The following RALGPS1 variants were observed in gnomAD, a reference collection of about 807,000 sequenced individuals.
The protein encoded by RALGPS1 is Ral GEF with PH domain and SH3 binding motif 1.
Under a neutral mutation model 78.8 loss-of-function variants are expected in RALGPS1, and 19 were observed. The observed-to-expected ratio is 0.24, with a 90% CI of 0.17 to 0.35. The LOEUF (loss-of-function observed/expected upper bound fraction) is 0.35. Ranked by LOEUF, RALGPS1 falls within the 10% of genes least tolerant of loss-of-function variation. The probability of loss-of-function intolerance (pLI) is 1.00; values close to 1 mark genes in which losing one functional copy is unlikely to be tolerated. For missense variants in RALGPS1, 454 were observed against 688.3 expected, an observed-to-expected ratio of 0.66 and a Z score of 3.81; for synonymous variants, 228 against 256.3, an observed-to-expected ratio of 0.89 and a Z score of 1.06.
At chr9:127,054,534 G>A (rs557538815) in intron 7 of RALGPS1, among the ~76,000 whole-genome samples, 30 of 152,286 alleles carry the variant, frequency 2.0e-4, no homozygotes, top group Middle Eastern at 3.4e-3. Context: ...TGGATGAAGC[G>A]ATGGTGTCCT....
intron 3 of RALGPS1, among the ~76,000 whole-genome samples, chr9:126,976,795 A>T (rs2040703516): frequency 6.6e-6 from 1 of 152,216 alleles, no homozygotes; most frequent in Admixed American, 6.5e-5. Context: ...GCATCTCTTA[A>T]CTGACATCTG....
At chr9:127,065,798 T>A (rs1166526043) in intron 7 of RALGPS1, among the ~76,000 whole-genome samples, 1 of 152,192 alleles carries the variant, frequency 6.6e-6, no homozygotes, top group Non-Finnish European at 1.5e-5. Context: ...CTGGATTGGA[T>A]CCACAATTTC....
intron 8 of RALGPS1, among the ~76,000 whole-genome samples, chr9:127,154,852 C>T (rs111644906): frequency 7.2e-5 from 11 of 152,162 alleles, no homozygotes; most frequent in African/African-American, 2.4e-4. Flanking sequence ...TGGCCTCGGA[C>T]GTTTGGGGAG....
chr9:127,120,559 C>T (rs1459228261), intron 8 of RALGPS1, among the ~76,000 whole-genome samples: 5 of 152,220 alleles, frequency 3.3e-5, no homozygotes, highest in Non-Finnish European at 7.4e-5. Context: ...TGCAGTGGCT[C>T]ACGCCTGCAA....
intron 4 of RALGPS1, among the ~76,000 whole-genome samples, chr9:127,007,390 A>G (rs1421853543): frequency 3.3e-5 from 5 of 152,184 alleles, no homozygotes; most frequent in Non-Finnish European, 5.9e-5. Context: ...TTAGATTGTC[A>G]GGTCCCATTC....
intron 8 of RALGPS1, among the ~76,000 whole-genome samples, chr9:127,144,054 C>T (rs576142330): frequency 2.0e-5 from 3 of 152,352 alleles, no homozygotes; most frequent in Admixed American, 2.0e-4. Flanking sequence ...CTGAAGTCAT[C>T]TCCGTTGTTG....
chr9:127,050,900 G>A (rs1443217438), intron 6 of RALGPS1, among the ~76,000 whole-genome samples: 1 of 152,162 alleles, frequency 6.6e-6, no homozygotes, highest in East Asian at 1.9e-4. Context: ...TACGAGCCAG[G>A]CACCATGCTG....
chr9:127,187,848 C>G (rs1255185847), intron 11 of RALGPS1, among the ~76,000 whole-genome samples: 1 of 152,132 alleles, frequency 6.6e-6, no homozygotes, highest in Non-Finnish European at 1.5e-5. Flanking sequence ...TCCTTTGGAA[C>G]GGAGCCTGCC....
chr9:127,021,840 G>A (rs1241475230), intron 4 of RALGPS1, among the ~76,000 whole-genome samples: 5 of 152,220 alleles, frequency 3.3e-5, no homozygotes, highest in East Asian at 1.9e-4. Flanking sequence ...TCTCTGTCAC[G>A]TGGACAGGAG....
chr9:127,100,550 G>A (rs1039572816), intron 8 of RALGPS1, among the ~76,000 whole-genome samples: 33 of 152,230 alleles, frequency 2.2e-4, no homozygotes, highest in African/African-American at 7.7e-4. Context: ...ACAGAGGTGA[G>A]CAGCTCACCT....
At chr9:127,058,840 A>G (rs1319106036) in intron 7 of RALGPS1, among the ~76,000 whole-genome samples, 1 of 152,212 alleles carries the variant, frequency 6.6e-6, no homozygotes, top group African/African-American at 2.4e-5. Flanking sequence ...TGCTCTGTGC[A>G]TGTTCCCAGA....
chr9:126,962,407 C>A (rs1321599717), intron 2 of RALGPS1, 61 bp downstream of exon 2: 2 of 1,549,030 alleles, frequency 1.3e-6, no homozygotes, highest in East Asian at 4.5e-5. Context: ...CTAACCCAGG[C>A]CCCAGCTGAG....
intron 4 of RALGPS1, among the ~76,000 whole-genome samples, chr9:127,033,425 C>G (rs1361900334): frequency 6.6e-6 from 1 of 152,172 alleles, no homozygotes; most frequent in African/African-American, 2.4e-5. Context: ...GCTCCCCTCC[C>G]TGCTCTCCTA....
At chr9:127,085,137 A>C (rs1474053104) in intron 8 of RALGPS1, among the ~76,000 whole-genome samples, 5 of 152,208 alleles carry the variant, frequency 3.3e-5, no homozygotes, top group African/African-American at 1.2e-4. Flanking sequence ...TCACTTGCTC[A>C]GAAAACATCA....
chr9:127,064,106 C>T (rs1328383700), intron 7 of RALGPS1, among the ~76,000 whole-genome samples: 3 of 152,156 alleles, frequency 2.0e-5, no homozygotes, highest in Non-Finnish European at 2.9e-5. Context: ...GAAGAAAATC[C>T]CAGGGTGCCC....
At chr9:126,960,216 C>T (rs183280788) in intron 1 of RALGPS1, among the ~76,000 whole-genome samples, 3 of 54,420 alleles carry the variant, frequency 5.5e-5, no homozygotes, top group African/African-American at 2.8e-4. Context: ...TCCCTCCCTC[C>T]CTCCCTTCCT....
intron 8 of RALGPS1, among the ~76,000 whole-genome samples, chr9:127,110,739 G>T (rs895746240): frequency 6.6e-6 from 1 of 152,076 alleles, no homozygotes; most frequent in Non-Finnish European, 1.5e-5. Context: ...CATCCTAGAC[G>T]CCTTTCTTTC....
rs573833204 is a variant in RALGPS1, at chr9:127,216,937, C to A, written c.1645-1803C>A. On this transcript the variant is annotated intron_variant, in intron 18 of 18. Coordinates refer to ENST00000259351, the MANE Select transcript of RALGPS1 (RefSeq NM_014636.3). Reference sequence around the variant, plus strand: ...GGAGCAGCTCCAGGTCCAACAGGAACTGACAGCCACGAGGTGGACCACCTG... The same window carrying A: ...GGAGCAGCTCCAGGTCCAACAGGAAATGACAGCCACGAGGTGGACCACCTG... The A allele has an allele frequency of 5.3e-5, 82 of 1,548,010 alleles. 3 individuals carry two copies. The South Asian group carries it at 9.6e-4, about 18-fold the overall frequency.
intron 5 of RALGPS1, among the ~76,000 whole-genome samples, chr9:127,037,288 T>G (rs2134779375): frequency 6.6e-6 from 1 of 152,230 alleles, no homozygotes; most frequent in African/African-American, 2.4e-5. Context: ...ATGCTGAAAA[T>G]TTTGGAAAAG....
Sources: gnomAD v4.1 joint callset for allele counts (sites outside exome capture counted in the v4.1 genomes callset) on GRCh38, gnomAD v4.1.1 for gene constraint, MANE v1.5 for transcripts, NCBI Gene and HGNC (gene_info 2026-07-23, HGNC 2026-07-21) for gene names.